XRN1: variants seen among roughly 807,000 people sequenced by gnomAD.
The protein encoded by XRN1 is 5'-3' exoribonuclease 1.
XRN1 carries 67 observed loss-of-function variants against 222.3 expected under a neutral mutation model. That is an observed-to-expected ratio of 0.30 (90% CI 0.25 to 0.37). The LOEUF is 0.37. XRN1 is among the 10% of genes least tolerant of loss of function. The probability of loss-of-function intolerance (pLI) is 1.00; values close to 1 mark genes in which losing one functional copy is unlikely to be tolerated. For missense variants in XRN1, 1,707 were observed against 2,000.2 expected (o/e 0.85, Z 2.80); for synonymous variants, 643 against 652.4 (o/e 0.99, Z 0.22).
intron 20 of XRN1, among the ~76,000 whole-genome samples, chr3:142,394,580 G>C (rs1234286058): frequency 1.3e-5 from 2 of 152,160 alleles, no homozygotes; most frequent in East Asian, 1.9e-4. Flanking sequence ...ATAATCAAAT[G>C]AGAGCTCCTC....
rs565704867 is a variant in XRN1 at position 142,400,667 on chromosome 3, C to T, written c.2104-120G>A. The stretch of plus-strand genomic sequence containing the variant: ...AATTCTAAAATAAACAAGTTGGGGC[C>T]GGGTGCAGTGACTCACACCTGTAAT... On this transcript the variant is annotated intron_variant, in intron 18 of 40. Coordinates refer to ENST00000392981, the MANE Select transcript of XRN1 (RefSeq NM_001282857.2). 2,487 of 682,766 alleles carry T rather than the reference C, an allele frequency of 3.6e-3. 12 individuals are homozygous for T. Among genetic ancestry groups the T allele is most frequent in the Non-Finnish European group, 4.3e-3 (1,743 of 408,722 alleles). The allele number at this position is 682,766 out of a possible 1,614,324, so 42.3% of individuals were successfully genotyped here.
At chr3:142,350,697 C>T (rs2107812255) in intron 32 of XRN1, among the ~76,000 whole-genome samples, 1 of 152,004 alleles carries the variant, frequency 6.6e-6, no homozygotes, top group Middle Eastern at 3.4e-3. Context: ...AGAAATGGTC[C>T]AATTCTAGAC....
chr3:142,410,313 T>A (rs2068513937), intron 15 of XRN1, among the ~76,000 whole-genome samples: 1 of 152,102 alleles, frequency 6.6e-6, no homozygotes, highest in Admixed American at 6.5e-5. Context: ...CTATTAAAAC[T>A]GGATGTTTGT....
At chr3:142,341,406 T>C (rs761036076) in intron 33 of XRN1, among the ~76,000 whole-genome samples, 11 of 150,656 alleles carry the variant, frequency 7.3e-5, no homozygotes, top group Non-Finnish European at 1.5e-4. Flanking sequence ...AGAAAACAAA[T>C]AACAAAGTGG....
chr3:142,368,532 G>A (rs996489206), intron 27 of XRN1, among the ~76,000 whole-genome samples: 3 of 152,320 alleles, frequency 2.0e-5, no homozygotes, highest in Non-Finnish European at 4.4e-5. Flanking sequence ...AAAGTAAAGG[G>A]AAAATGTGTG....
intron 15 of XRN1, among the ~76,000 whole-genome samples, chr3:142,412,290 T>G (rs945490596): frequency 1.3e-5 from 2 of 152,248 alleles, no homozygotes; most frequent in African/African-American, 4.8e-5. Flanking sequence ...GACTCTTTTA[T>G]CTGTATAAAA....
chr3:142,371,397 T>C, intron 25 of XRN1, 69 bp from the exon 26 acceptor site: 1 of 1,108,854 alleles, frequency 9.0e-7, no homozygotes, highest in Non-Finnish European at 1.3e-6. Context: ...TCCTACATAA[T>C]AATTTCAGAT....
intron 22 of XRN1, among the ~76,000 whole-genome samples, chr3:142,380,676 C>T (rs1285807514): frequency 6.6e-6 from 1 of 151,220 alleles, no homozygotes; most frequent in East Asian, 1.9e-4. Context: ...TTTTTGGCAA[C>T]AGGGTCTTGC....
chr3:142,401,888 T>C (rs2068149205), intron 18 of XRN1, among the ~76,000 whole-genome samples: 1 of 152,212 alleles, frequency 6.6e-6, no homozygotes, highest in Admixed American at 6.5e-5. Flanking sequence ...TTCACAGATC[T>C]TATTTGAGTT....
chr3:142,421,139 G>T lies in XRN1; in HGVS notation c.1050C>A (p.His350Gln). The T allele has an allele frequency of 6.2e-7, 1 of 1,613,062 alleles. No individual in the cohort carries two copies. Among genetic ancestry groups the T allele is most frequent in the Non-Finnish European group, 8.5e-7 (1 of 1,179,540 alleles). ...LVKLSDFDRE[H>Q]FSEVFVDLKW... is the part of the protein sequence containing the mutation. ...TTAGGTCCACAAAAACTTCACTGAAGTGCTCCCGATCAAACTGTACAGAAA... is the reference window on the plus strand; with the variant it reads ...TTAGGTCCACAAAAACTTCACTGAATTGCTCCCGATCAAACTGTACAGAAA... The change falls in exon 10 of 41, where the codon CAC (histidine) becomes CAA (glutamine). Residue 350 changes from histidine to glutamine, a missense_variant. Around this residue, in one of 2 missense-constraint regions of XRN1, gnomAD observed 1,234 missense variants for 1,518.2 expected, o/e 0.81. Coordinates refer to ENST00000392981, the MANE Select transcript of XRN1 (RefSeq NM_001282857.2).
intron 36 of XRN1, among the ~76,000 whole-genome samples, chr3:142,331,896 T>A (rs1012970670): frequency 1.3e-5 from 2 of 152,018 alleles, no homozygotes; most frequent in Non-Finnish European, 2.9e-5. Flanking sequence ...CACGTCAGCC[T>A]CCCCAGTAGC....
chr3:142,424,981 A>G (rs574679850), intron 5 of XRN1, among the ~76,000 whole-genome samples: 108 of 152,296 alleles, frequency 7.1e-4, no homozygotes, highest in Admixed American at 1.1e-3. Context: ...TTGGCAAAGT[A>G]TTCACAGCAC....
At chr3:142,332,245 C>G in intron 36 of XRN1, 130 bp downstream of exon 36, 1 of 787,232 alleles carries the variant, frequency 1.3e-6, no homozygotes, top group Non-Finnish European at 1.9e-6. Context: ...CACAGCAAGA[C>G]ACCATCTCTA....
chr3:142,349,863 G>A (rs540040814), intron 32 of XRN1, among the ~76,000 whole-genome samples: 15 of 152,256 alleles, frequency 9.9e-5, no homozygotes, highest in Admixed American at 2.6e-4. Context: ...CCAAGTAAGA[G>A]GGGTTGCATG....
rs1577477841 is a variant in XRN1 at position 142,447,979 on chromosome 3, A to G, written c.-35T>C. On this transcript the variant is annotated 5_prime_UTR_variant, in exon 1 of 41. Coordinates refer to ENST00000392981, the MANE Select transcript of XRN1 (RefSeq NM_001282857.2). This position sits in a 1 kb window ranked among gnomAD's most constrained non-coding sequence, Gnocchi z 4.2. The stretch of plus-strand genomic sequence containing the variant: ...CAACACTAATCCCAGTCAGGGCCAA[A>G]CCGAAACCAAACGCCCCGCCGGGGC... The G allele has an allele frequency of 6.2e-7, 1 of 1,607,718 alleles. No homozygotes were observed.
intron 29 of XRN1, among the ~76,000 whole-genome samples, chr3:142,361,914 G>A (rs1333303958): frequency 9.6e-5 from 13 of 134,964 alleles, no homozygotes; most frequent in Non-Finnish European, 1.9e-4. Flanking sequence ...TTTTAATTTC[G>A]ATGAAGTCTA....
chr3:142,329,429 T>C lies in XRN1; in HGVS notation c.4404+5A>G, dbSNP rs773410117. On this transcript the variant is annotated splice_donor_5th_base_variant and intron_variant, in intron 37 of 40. Transcript: ENST00000392981. ...TTATATAAATAGAACAGTAGTATAC[T>C]ATACCTGTGGCATCCTAAGAAAGGA... is the stretch of plus-strand genomic sequence containing the variant. 2.6e-6 allele frequency: 4 copies of C among 1,549,552 alleles called. No homozygotes were observed. The South Asian group carries it at 3.8e-5, about 15-fold the overall frequency.
intron 19 of XRN1, among the ~76,000 whole-genome samples, chr3:142,399,636 A>C (rs2068053104): frequency 6.6e-6 from 1 of 152,032 alleles, no homozygotes; most frequent in South Asian, 2.1e-4. Context: ...AAAATCCTCA[A>C]GATTTCATAT....
chr3:142,349,595 T>A (rs879628983), intron 32 of XRN1, among the ~76,000 whole-genome samples: 1 of 152,110 alleles, frequency 6.6e-6, no homozygotes, highest in Non-Finnish European at 1.5e-5. Context: ...AAGCCATATG[T>A]TTAATTAGTA....
Sources: allele counts gnomAD v4.1 joint callset (sites outside exome capture counted in the v4.1 genomes callset), GRCh38; gene constraint gnomAD v4.1.1; regional missense constraint gnomAD v4.1.1; non-coding constraint Gnocchi (gnomAD v3.1); transcripts MANE v1.5; gene names NCBI Gene and HGNC (gene_info 2026-07-23, HGNC 2026-07-21).